Variants in GUCY1A2 observed in about 807,000 individuals in gnomAD.
GUCY1A2 encodes guanylate cyclase 1 soluble subunit alpha 2.
GUCY1A2 carries 27 observed loss-of-function variants against 63.5 expected under a neutral mutation model. The observed-to-expected ratio is 0.43, with a 90% CI of 0.31 to 0.59. The LOEUF (loss-of-function observed/expected upper bound fraction) is 0.59. GUCY1A2 is among the 20% of genes least tolerant of loss of function. The pLI is 0.11. For missense variants in GUCY1A2, 768 were observed against 913.3 expected (o/e 0.84, Z 2.05); for synonymous variants, 364 against 343.5 (o/e 1.06, Z -0.66).
chr11:106,917,175 C>T lies in GUCY1A2; in HGVS notation c.1206+22285G>A, dbSNP rs1375947923. On this transcript the variant is annotated intron_variant, in intron 4 of 7. Coordinates refer to ENST00000526355, the MANE Select transcript of GUCY1A2 (RefSeq NM_000855.3). ...CACATAGAGCAAGAGAAATGCCCCT[C>T]TGAGGAGTTGATATTTAAGCTAAAA... is the stretch of plus-strand genomic sequence containing the variant. Among the ~76,000 whole-genome samples the T allele has an allele frequency of 5.2e-4, 76 of 145,640 alleles. 8 individuals are homozygous for T. The highest frequency in any genetic ancestry group is 4.6e-5 in the Non-Finnish European group (3 of 64,874).
At chr11:106,860,784 C>T (rs1859500859) in intron 4 of GUCY1A2, among the ~76,000 whole-genome samples, 2 of 151,996 alleles carry the variant, frequency 1.3e-5, no homozygotes, top group Non-Finnish European at 2.9e-5. Flanking sequence ...ACTTATTGTT[C>T]TAATGGCTGA....
At chr11:106,889,137 C>T (rs964796868) in intron 4 of GUCY1A2, among the ~76,000 whole-genome samples, 1 of 152,172 alleles carries the variant, frequency 6.6e-6, no homozygotes, top group Admixed American at 6.5e-5. Flanking sequence ...CAGGTTTCCA[C>T]TTTCTATTAG....
At chr11:106,751,806 T>A in intron 6 of GUCY1A2, among the ~76,000 whole-genome samples, 1 of 152,284 alleles carries the variant, frequency 6.6e-6, no homozygotes, top group Non-Finnish European at 1.5e-5. Context: ...TTGATAATAT[T>A]TTATATGTAA....
chr11:106,936,858 T>TA, intron 4 of GUCY1A2: 1 of 520,964 alleles, frequency 1.9e-6, no homozygotes, highest in South Asian at 3.5e-5. Context: ...AAAAGCCAAC[T>TA]AAAAAATTAG....
At chr11:106,959,207 G>C (rs1369623574) in intron 3 of GUCY1A2, among the ~76,000 whole-genome samples, 4 of 152,082 alleles carry the variant, frequency 2.6e-5, no homozygotes, top group African/African-American at 9.7e-5. Flanking sequence ...AGACCTGAAA[G>C]AATTTTTTTA....
intron 4 of GUCY1A2, among the ~76,000 whole-genome samples, chr11:106,924,498 C>G (rs1257658947): frequency 1.3e-5 from 2 of 152,178 alleles, no homozygotes; most frequent in African/African-American, 4.8e-5. Flanking sequence ...GGCACAGGCT[C>G]TATCTAGAGC....
chr11:106,772,759 G>A (rs1048635740), intron 6 of GUCY1A2, among the ~76,000 whole-genome samples: 1 of 152,042 alleles, frequency 6.6e-6, no homozygotes, highest in Non-Finnish European at 1.5e-5. Context: ...CTCCATAAAA[G>A]AAAATCCAAC....
intron 6 of GUCY1A2, among the ~76,000 whole-genome samples, chr11:106,709,076 A>C (rs984320119): frequency 7.2e-6 from 1 of 138,886 alleles, no homozygotes; most frequent in Non-Finnish European, 1.6e-5. Context: ...TATAAATTAA[A>C]TATTTATATT....
At chr11:107,000,628 T>A (rs1861601594) in intron 1 of GUCY1A2, among the ~76,000 whole-genome samples, 1 of 152,196 alleles carries the variant, frequency 6.6e-6, no homozygotes, top group African/African-American at 2.4e-5. Context: ...TCTCCTGCCC[T>A]ATGAAATCAA....
At chr11:106,754,881 G>A (rs1354634384) in intron 6 of GUCY1A2, among the ~76,000 whole-genome samples, 1 of 152,152 alleles carries the variant, frequency 6.6e-6, no homozygotes, top group Non-Finnish European at 1.5e-5. Flanking sequence ...AAATGAGTTA[G>A]GGAGGATTCC....
chr11:106,916,171 A>G lies in GUCY1A2; in HGVS notation c.1206+23289T>C, dbSNP rs762632813. Among the ~76,000 whole-genome samples the G allele has an allele frequency of 2.1e-5, 3 of 145,856 alleles. 1 individual carries two copies. The highest frequency in any genetic ancestry group is 4.6e-5 in the Non-Finnish European group (3 of 64,876). On this transcript the variant is annotated intron_variant, in intron 4 of 7. Transcript: ENST00000526355. ...AGATTTAGTTGACAATTTAGTCATA[A>G]GCATAAAGTACTTTTTGGTTAAATA... is the stretch of plus-strand genomic sequence containing the variant.
At chr11:106,834,898 A>G (rs997495431) in intron 4 of GUCY1A2, among the ~76,000 whole-genome samples, 3 of 151,992 alleles carry the variant, frequency 2.0e-5, no homozygotes, top group Non-Finnish European at 4.4e-5. Flanking sequence ...AAGGGGCTAA[A>G]TTTGTTCTAG....
chr11:106,806,710 T>C (rs1858691877), intron 5 of GUCY1A2, among the ~76,000 whole-genome samples: 1 of 152,192 alleles, frequency 6.6e-6, no homozygotes, highest in African/African-American at 2.4e-5. Context: ...TAGCTCTTAC[T>C]TAGTATTCAT....
chr11:106,791,207 G>A (rs1864653399), intron 5 of GUCY1A2, among the ~76,000 whole-genome samples: 1 of 152,224 alleles, frequency 6.6e-6, no homozygotes, highest in South Asian at 2.1e-4. Context: ...CTCCCTCTGT[G>A]TGAGTGTCAG....
intron 4 of GUCY1A2, among the ~76,000 whole-genome samples, chr11:106,857,913 T>G (rs2135455220): frequency 6.6e-6 from 1 of 152,312 alleles, no homozygotes; most frequent in African/African-American, 2.4e-5. Context: ...CATCTTTAGA[T>G]TTTGGTATCT....
At chr11:106,792,864 T>C (rs976085502) in intron 5 of GUCY1A2, among the ~76,000 whole-genome samples, 3 of 152,154 alleles carry the variant, frequency 2.0e-5, no homozygotes, top group African/African-American at 4.8e-5. Context: ...CTATAATATA[T>C]TGATTAAAGA....
intron 4 of GUCY1A2, among the ~76,000 whole-genome samples, chr11:106,921,154 A>G (rs541622728): frequency 2.6e-4 from 40 of 152,270 alleles, no homozygotes; most frequent in Admixed American, 1.2e-3. Flanking sequence ...AAAACAGGGC[A>G]TGGAAGTCAC....
chr11:106,886,068 C>T (rs1407373015), intron 4 of GUCY1A2, among the ~76,000 whole-genome samples: 3 of 152,122 alleles, frequency 2.0e-5, no homozygotes, highest in African/African-American at 7.2e-5. Flanking sequence ...ATGCTGTATT[C>T]CTTCTTCCCC....
In GUCY1A2 at chr11:106,887,307, T is replaced by C. The variant is rs1322935071; in HGVS notation, c.1206+52153A>G. On this transcript the variant is annotated intron_variant, in intron 4 of 7. Coordinates refer to ENST00000526355, the MANE Select transcript of GUCY1A2 (RefSeq NM_000855.3). ...TCAATTTATTTGATCCTTTACACCA[T>C]GTATATGGTGTTCAGTAACTGACTG... is the stretch of plus-strand genomic sequence containing the variant. Among the ~76,000 whole-genome samples, 5 of 152,144 alleles carry C rather than the reference T, an allele frequency of 3.3e-5. No homozygotes were observed. In the South Asian group the frequency reaches 6.2e-4, roughly 19 times the overall value.
Sources: allele counts gnomAD v4.1 joint callset (sites outside exome capture counted in the v4.1 genomes callset), GRCh38; gene constraint gnomAD v4.1.1; transcripts MANE v1.5; gene names NCBI Gene and HGNC (gene_info 2026-07-23, HGNC 2026-07-21).